The following WDR89 variants were observed in gnomAD, a reference collection of about 807,000 sequenced individuals.
The protein encoded by WDR89 is WD repeat domain 89.
Under a neutral mutation model 29.1 loss-of-function variants are expected in WDR89, and 17 were observed. The ratio of observed to expected loss-of-function variants is 0.58; its 90% confidence interval spans 0.40 to 0.88. The LOEUF is 0.88. Ranked by LOEUF, WDR89 falls within the 40% of genes least tolerant of loss-of-function variation. The pLI is 0.00. For synonymous variants in WDR89, 138 were observed against 157.8 expected, an observed-to-expected ratio of 0.87 and a Z score of 0.94; for missense variants, 396 against 456.3, an observed-to-expected ratio of 0.87 and a Z score of 1.20.
intron 2 of WDR89, among the ~76,000 whole-genome samples, chr14:63,604,864 G>A (rs1185967636): frequency 1.3e-5 from 2 of 152,182 alleles, no homozygotes; most frequent in Non-Finnish European, 2.9e-5. Flanking sequence ...TGGAGGCCAG[G>A]TGTGGTAACC....
chr14:63,621,067 C>T (rs1882665864), intron 2 of WDR89, among the ~76,000 whole-genome samples: 1 of 151,940 alleles, frequency 6.6e-6, no homozygotes, highest in Admixed American at 6.6e-5. Flanking sequence ...TAAATATATA[C>T]AACTTTTATT....
In WDR89 at chr14:63,625,045, C is replaced by A. The variant is rs796452338; in HGVS notation, c.-137-12G>T. On this transcript the variant is annotated splice_polypyrimidine_tract_variant and intron_variant, in intron 1 of 2. Coordinates refer to ENST00000620954, the MANE Select transcript of WDR89 (RefSeq NM_080666.4). ...TAATAGCCAAATACCTAGAAAAAAA[C>A]AGAAATACGGGTAAGCTTAAGCACA... is the stretch of plus-strand genomic sequence containing the variant. 7 of 151,826 alleles carry A rather than the reference C, an allele frequency of 4.6e-5. No homozygotes were observed. Among genetic ancestry groups the A allele is most frequent in the African/African-American group, 1.7e-4 (7 of 41,394 alleles). The allele number at this position is 151,826 out of a possible 1,614,324, so 9.4% of individuals were successfully genotyped here.
At chr14:63,626,151 C>T (rs1307599494) in intron 1 of WDR89, among the ~76,000 whole-genome samples, 1 of 151,948 alleles carries the variant, frequency 6.6e-6, no homozygotes, top group African/African-American at 2.4e-5. Context: ...CACACCCACC[C>T]ATGAAGGTAA....
At chr14:63,601,922 AAAT>A in intron 2 of WDR89, 1 of 467,142 alleles carries the variant, frequency 2.1e-6, no homozygotes, top group African/African-American at 2.0e-5. Context: ...ATAATAAACT[AAAT>A]AACTAATGAA....
At chr14:63,606,156 C>T (rs1200155134) in intron 2 of WDR89, among the ~76,000 whole-genome samples, 2 of 152,114 alleles carry the variant, frequency 1.3e-5, no homozygotes, top group Non-Finnish European at 2.9e-5. Flanking sequence ...CTATTTTGAC[C>T]AAGCTGGTCT....
rs182117567 is a variant in WDR89, at chr14:63,599,512, A to C, written c.431T>G (p.Val144Gly). 4.9e-5 allele frequency: 79 copies of C among 1,614,214 alleles called. No homozygotes were observed. The highest frequency in any genetic ancestry group is 1.7e-4 in the Admixed American group (10 of 60,012). ...AGAATTCATCCTTGCATCCCAAAAC[A>C]CCAACAATGCATCATCATCAACTTT... ...TEKVDDDALL[V>G]FWDARMNSQN... is the part of the protein sequence containing the mutation. Residue 144 changes from valine (V) to glycine (G), a missense_variant, in exon 3 of 3, where the codon GTG becomes GGG. Transcript: ENST00000620954.
intron 1 of WDR89, among the ~76,000 whole-genome samples, chr14:63,638,730 T>C (rs897574016): frequency 1.3e-5 from 2 of 152,216 alleles, no homozygotes; most frequent in African/African-American, 2.4e-5. Flanking sequence ...TTCACAGTAA[T>C]AAGAAAGTCT....
At chr14:63,616,373 C>T (rs1263215182) in intron 2 of WDR89, among the ~76,000 whole-genome samples, 1 of 152,054 alleles carries the variant, frequency 6.6e-6, no homozygotes, top group Admixed American at 6.6e-5. Context: ...TTTCTTCATG[C>T]AGGACAGGAT....
intron 1 of WDR89, among the ~76,000 whole-genome samples, chr14:63,634,301 C>T (rs61984049): frequency 6.6e-6 from 1 of 152,288 alleles, no homozygotes; most frequent in East Asian, 1.9e-4. Context: ...GCGGGTGGAT[C>T]ACCTGATGTC....
intron 2 of WDR89, among the ~76,000 whole-genome samples, chr14:63,606,638 C>T (rs1223413990): frequency 1.3e-5 from 2 of 152,172 alleles, no homozygotes; most frequent in Non-Finnish European, 2.9e-5. Flanking sequence ...GTACAGTATA[C>T]TCCATGATGT....
Position 63,599,636 on chromosome 14 carries a change from TGGC to T in WDR89, c.304_306del (p.Ala102del). The T allele has an allele frequency of 6.2e-7, 1 of 1,614,176 alleles. No individual in the cohort carries two copies. Among genetic ancestry groups the T allele is most frequent in the Non-Finnish European group, 8.5e-7 (1 of 1,180,014 alleles). On this transcript the variant is annotated inframe_deletion, in exon 3 of 3. Coordinates refer to ENST00000620954, the MANE Select transcript of WDR89 (RefSeq NM_080666.4). Reference sequence around the variant, plus strand: ...TTGAAGAGCTGAACAGGTTTTTCTCTGGCTACTCGAGCATCCCAGCATTTCACA... The same window carrying T: ...TTGAAGAGCTGAACAGGTTTTTCTCTTACTCGAGCATCCCAGCATTTCACA...
intron 2 of WDR89, among the ~76,000 whole-genome samples, chr14:63,612,046 T>A (rs1008465131): frequency 1.3e-5 from 2 of 151,968 alleles, no homozygotes; most frequent in African/African-American, 4.8e-5. Context: ...ATTTTTAACA[T>A]ATCATTGATG....
At chr14:63,628,938 C>CA (rs145439068) in intron 1 of WDR89, among the ~76,000 whole-genome samples, 5,406 of 139,636 alleles carry the variant, frequency 0.039, 105 homozygotes, top group African/African-American at 0.057. Context: ...GACCCTGTCT[C>CA]AAAAAAAAAA....
intron 2 of WDR89, among the ~76,000 whole-genome samples, chr14:63,620,957 C>T (rs1394094560): frequency 1.3e-4 from 20 of 150,582 alleles, no homozygotes; most frequent in Admixed American, 1.3e-3. Context: ...ATGTTCTCAC[C>T]ACACCCAAAA....
chr14:63,607,073 T>G (rs572831537), intron 2 of WDR89, among the ~76,000 whole-genome samples: 1 of 152,348 alleles, frequency 6.6e-6, no homozygotes, highest in East Asian at 1.9e-4. Context: ...AAGGAAGCAG[T>G]GTATGATTGT....
chr14:63,628,752 G>A (rs930516181), intron 1 of WDR89, among the ~76,000 whole-genome samples: 1 of 152,150 alleles, frequency 6.6e-6, no homozygotes, highest in African/African-American at 2.4e-5. Flanking sequence ...CCTCAGCCTA[G>A]GAGTTTGAGA....
In WDR89 at chr14:63,628,267, T is replaced by C. The variant is rs1008220839; in HGVS notation, c.-137-3234A>G. Among the ~76,000 whole-genome samples, 15 of 152,226 alleles carry C rather than the reference T, an allele frequency of 9.9e-5. 1 individual carries two copies. Among genetic ancestry groups the C allele is most frequent in the Admixed American group, 7.9e-4 (12 of 15,280 alleles). On this transcript the variant is annotated intron_variant, in intron 1 of 2. Transcript: ENST00000620954. ...AAAAATCTAAAATAGTTTAAAAACT[T>C]AGTTTCTTTTTTAGAATTTATAACT... is the stretch of plus-strand genomic sequence containing the variant.
chr14:63,627,225 TATA>T (rs1323078249), intron 1 of WDR89, among the ~76,000 whole-genome samples: 1 of 151,898 alleles, frequency 6.6e-6, no homozygotes, highest in Non-Finnish European at 1.5e-5. Context: ...TCTGGTACTA[TATA>T]ATAAAACTAG....
At chr14:63,628,671 T>C (rs978061525) in intron 1 of WDR89, among the ~76,000 whole-genome samples, 1 of 152,040 alleles carries the variant, frequency 6.6e-6, no homozygotes, top group Non-Finnish European at 1.5e-5. Flanking sequence ...AAAATAATAA[T>C]AAAGGCCACT....
Sources: gnomAD v4.1 joint callset for allele counts (sites outside exome capture counted in the v4.1 genomes callset) on GRCh38, gnomAD v4.1.1 for gene constraint, MANE v1.5 for transcripts, NCBI Gene and HGNC (gene_info 2026-07-23, HGNC 2026-07-21) for gene names.